The following IMMP2L variants were observed in gnomAD, a reference collection of about 807,000 sequenced individuals.
IMMP2L encodes inner mitochondrial membrane peptidase subunit 2.
In IMMP2L, 18 loss-of-function variants were observed where a neutral mutation model predicts 19.3. The ratio of observed to expected loss-of-function variants is 0.93; its 90% confidence interval spans 0.64 to 1.38. The LOEUF is 1.38. Among genes scored for constraint, IMMP2L ranks in the 40% most tolerant of loss-of-function variants. The pLI is 0.00. For missense variants in IMMP2L, 233 were observed against 218.2 expected (o/e 1.07, Z -0.43); for synonymous variants, 76 against 73.0 (o/e 1.04, Z -0.21).
chr7:111,124,773 G>C (rs1375902975), intron 3 of IMMP2L: 1 of 1,613,754 alleles, frequency 6.2e-7, no homozygotes, highest in African/African-American at 1.3e-5. Flanking sequence ...ATTACTTACA[G>C]AAACCAACCT....
chr7:110,882,148 T>C (rs1809703930), intron 5 of IMMP2L, among the ~76,000 whole-genome samples: 1 of 152,108 alleles, frequency 6.6e-6, no homozygotes, highest in South Asian at 2.1e-4. Flanking sequence ...TAATGCTTAG[T>C]GATAGTGGCA....
At chr7:110,786,698 T>G (rs1800103238) in intron 5 of IMMP2L, among the ~76,000 whole-genome samples, 1 of 152,036 alleles carries the variant, frequency 6.6e-6, no homozygotes, top group Non-Finnish European at 1.5e-5. Context: ...ATGAGATTCA[T>G]TGCAGGGATA....
At chr7:111,058,130 T>A (rs1793680860) in intron 3 of IMMP2L, among the ~76,000 whole-genome samples, 1 of 152,160 alleles carries the variant, frequency 6.6e-6, no homozygotes. Flanking sequence ...CATGAATTTA[T>A]CTATTTTTCT....
chr7:111,108,717 G>C (rs916561063), intron 3 of IMMP2L, among the ~76,000 whole-genome samples: 1 of 151,974 alleles, frequency 6.6e-6, no homozygotes, highest in African/African-American at 2.4e-5. Context: ...ATTTCTGTTT[G>C]CCAAGCTTAC....
chr7:111,102,455 T>C (rs555024278), intron 3 of IMMP2L, among the ~76,000 whole-genome samples: 3 of 151,712 alleles, frequency 2.0e-5, no homozygotes, highest in East Asian at 3.9e-4. Flanking sequence ...AGATGTCTCT[T>C]TAGATTGTCA....
chr7:111,123,577 A>G lies in IMMP2L; in HGVS notation c.240-160012T>C. ...AAATCTCAAATTTTTGGATCTAAAT[A>G]AAAATCCTATTAATAGAATACGAAG... is the stretch of plus-strand genomic sequence containing the variant. On this transcript the variant is annotated intron_variant, in intron 3 of 5. Transcript: ENST00000405709. The surrounding 1 kb of genome is among the most constrained non-coding windows in gnomAD (Gnocchi z 6.4). 1.9e-6 allele frequency: 3 copies of G among 1,613,530 alleles called. No homozygotes were observed. Among genetic ancestry groups the G allele is most frequent in the Non-Finnish European group, 2.5e-6 (3 of 1,179,604 alleles).
In IMMP2L at chr7:110,996,384, G is replaced by A. The variant is rs369586548; in HGVS notation, c.240-32819C>T. Among the ~76,000 whole-genome samples, 27 of 152,160 alleles carry A rather than the reference G, an allele frequency of 1.8e-4. No homozygotes were observed. In the East Asian group the frequency reaches 4.5e-3, roughly 25 times the overall value. On this transcript the variant is annotated intron_variant, in intron 3 of 5. Transcript: ENST00000405709. The stretch of plus-strand genomic sequence containing the variant: ...CGGGAGCAGAGAGAACGAGAGGGGG[G>A]TTGGCATAAAAGGAAGCTGTAGGTA...
intron 1 of IMMP2L, chr7:111,532,495 A>G (rs954483157): frequency 2.0e-5 from 3 of 152,184 alleles, no homozygotes; most frequent in Non-Finnish European, 2.9e-5. Context: ...CTAGAATGCC[A>G]TATCAACTCA....
intron 5 of IMMP2L, among the ~76,000 whole-genome samples, chr7:110,665,486 A>G (rs1791386934): frequency 1.3e-5 from 2 of 152,186 alleles, no homozygotes; most frequent in African/African-American, 4.8e-5. Flanking sequence ...AAATTTTCCA[A>G]TTGTCCCACT....
intron 3 of IMMP2L, among the ~76,000 whole-genome samples, chr7:111,035,047 T>C (rs1466079137): frequency 6.6e-6 from 1 of 152,128 alleles, no homozygotes; most frequent in East Asian, 1.9e-4. Flanking sequence ...ATCGAGTCAA[T>C]AATAGGATGT....
chr7:111,142,378 G>A (rs920696692), intron 3 of IMMP2L, among the ~76,000 whole-genome samples: 1 of 146,356 alleles, frequency 6.8e-6, no homozygotes, highest in Non-Finnish European at 1.5e-5. Flanking sequence ...GAATAGAAAA[G>A]AGCTTAATTT....
chr7:111,489,589 A>C (rs1013866627), intron 2 of IMMP2L, among the ~76,000 whole-genome samples: 1 of 152,150 alleles, frequency 6.6e-6, no homozygotes, highest in Non-Finnish European at 1.5e-5. Flanking sequence ...CCTTTTGTTA[A>C]AGATTCCTGG....
At chr7:110,786,970 G>A (rs142137256) in intron 5 of IMMP2L, among the ~76,000 whole-genome samples, 12 of 152,006 alleles carry the variant, frequency 7.9e-5, no homozygotes, top group Admixed American at 3.9e-4. Flanking sequence ...GGGATACATA[G>A]CATGATATTC....
chr7:110,907,094 C>T (rs997709361), intron 4 of IMMP2L, among the ~76,000 whole-genome samples: 1 of 152,028 alleles, frequency 6.6e-6, no homozygotes, highest in Non-Finnish European at 1.5e-5. Flanking sequence ...ACCCCTGAAG[C>T]CCCAGAAGGA....
chr7:110,676,889 C>A (rs778571901), intron 5 of IMMP2L, among the ~76,000 whole-genome samples: 12 of 152,236 alleles, frequency 7.9e-5, no homozygotes, highest in Middle Eastern at 3.4e-3. Flanking sequence ...ATAATCACTG[C>A]TGAGACCAGA....
chr7:110,900,293 G>T (rs1353484083), intron 4 of IMMP2L, among the ~76,000 whole-genome samples: 1 of 152,158 alleles, frequency 6.6e-6, no homozygotes, highest in African/African-American at 2.4e-5. Flanking sequence ...AATGTAAATT[G>T]TTAAATGATC....
intron 3 of IMMP2L, among the ~76,000 whole-genome samples, chr7:111,292,475 C>A (rs967184997): frequency 6.6e-6 from 1 of 152,048 alleles, no homozygotes; most frequent in Non-Finnish European, 1.5e-5. Flanking sequence ...ACTCAGTTTA[C>A]ATGTACTAGT....
intron 3 of IMMP2L, among the ~76,000 whole-genome samples, chr7:111,269,236 C>T (rs1317284037): frequency 6.6e-6 from 1 of 152,168 alleles, no homozygotes; most frequent in African/African-American, 2.4e-5. Flanking sequence ...GATTCATTTC[C>T]TTGTCCCAAC....
chr7:111,353,732 T>A (rs560904177), intron 3 of IMMP2L, among the ~76,000 whole-genome samples: 88 of 152,210 alleles, frequency 5.8e-4, no homozygotes, highest in African/African-American at 1.9e-3. Context: ...TATACATAAA[T>A]ATACACATAC....
Sources: allele counts gnomAD v4.1 joint callset (sites outside exome capture counted in the v4.1 genomes callset), GRCh38; gene constraint gnomAD v4.1.1; non-coding constraint Gnocchi (gnomAD v3.1); transcripts MANE v1.5; gene names NCBI Gene and HGNC (gene_info 2026-07-23, HGNC 2026-07-21).